The following ANKRD36 variants were observed in gnomAD, a reference collection of about 807,000 sequenced individuals.
The protein encoded by ANKRD36 is ankyrin repeat domain 36.
A neutral mutation model predicts 278.1 loss-of-function variants in ANKRD36; 179 were observed. That is an observed-to-expected ratio of 0.64 (90% CI 0.57 to 0.73). ANKRD36 has a LOEUF of 0.73. ANKRD36 is among the 30% of genes least tolerant of loss of function. The probability of loss-of-function intolerance (pLI) is 0.00; values close to 1 mark genes in which losing one functional copy is unlikely to be tolerated. For synonymous variants in ANKRD36, 320 were observed against 641.1 expected (o/e 0.50, Z 7.57); for missense variants, 1,159 against 1,956.7 (o/e 0.59, Z 7.69).
chr2:97,130,862 A>T (rs1170155729), intron 6 of ANKRD36, among the ~76,000 whole-genome samples: 3 of 152,096 alleles, frequency 2.0e-5, no homozygotes, highest in Non-Finnish European at 4.4e-5. Context: ...TTCTTTTAAG[A>T]GAATTAGCTA....
intron 18 of ANKRD36, among the ~76,000 whole-genome samples, chr2:97,162,886 C>G (rs2049361158): frequency 6.6e-6 from 1 of 151,152 alleles, no homozygotes; most frequent in Admixed American, 6.6e-5. Flanking sequence ...GCATATCAAA[C>G]TGACTTTAGA....
rs2057586610 is a variant in ANKRD36, at chr2:97,187,199, G to A, written c.2043G>A (p.Val681=). Residue 681 remains valine, a splice_region_variant and synonymous_variant, in exon 31 of 76, where the codon GTG becomes GTA. Coordinates refer to ENST00000420699, the MANE Select transcript of ANKRD36 (RefSeq NM_001354587.1). ...EIKDGLQCGT[V]SSQKQPALKA... is the part of the protein sequence containing the mutation. Reference sequence around the variant, plus strand: ...TTATGTATCCCTTTTGCTTTTCAGTGTCTTCTCAGAAACAACCAGCCTTGA... The same window carrying A: ...TTATGTATCCCTTTTGCTTTTCAGTATCTTCTCAGAAACAACCAGCCTTGA... 3 of 1,609,454 alleles carry A rather than the reference G, an allele frequency of 1.9e-6. No individual in the cohort carries two copies. Among genetic ancestry groups the A allele is most frequent in the Admixed American group, 1.7e-5 (1 of 59,694 alleles).
At chr2:97,156,562 A>G (rs2047497122) in intron 15 of ANKRD36, among the ~76,000 whole-genome samples, 1 of 135,798 alleles carries the variant, frequency 7.4e-6, no homozygotes, top group East Asian at 2.1e-4. Flanking sequence ...ATCATTTTTT[A>G]TGGCTGCATA....
At chr2:97,211,968 C>G (rs578251146) in intron 58 of ANKRD36, among the ~76,000 whole-genome samples, 58 of 151,946 alleles carry the variant, frequency 3.8e-4, no homozygotes, top group African/African-American at 1.4e-3. Context: ...GAAAAAGAAC[C>G]ATCTGACAGC....
At chr2:97,237,887 T>A (rs1195776081) in intron 68 of ANKRD36, among the ~76,000 whole-genome samples, 1 of 151,324 alleles carries the variant, frequency 6.6e-6, no homozygotes, top group African/African-American at 2.4e-5. Flanking sequence ...TATGTATAAT[T>A]GTATTAATTT....
At chr2:97,125,071 C>A (rs1326948270) in intron 5 of ANKRD36, among the ~76,000 whole-genome samples, 4 of 151,522 alleles carry the variant, frequency 2.6e-5, no homozygotes, top group Non-Finnish European at 5.9e-5. Context: ...GGAAGACAAT[C>A]AGTGTCTACA....
rs1419791121 is a variant in ANKRD36 at position 97,211,739 on chromosome 2, C to T, written c.3467C>T (p.Thr1156Ile). ...TEKKDEQISG[T>I]VSCQKQPALK... is the part of the protein sequence containing the mutation. ...AAAAAGGATGAACAAATATCTGGGA[C>T]AGGTAATTTTGCAAACACATTTAAT... Residue 1156 changes from threonine to isoleucine, a missense_variant and splice_region_variant, in exon 58 of 76, where the codon ACA becomes ATA. By Grantham distance (89) the Thr-to-Ile change is moderately conservative (BLOSUM62 -1). Transcript: ENST00000420699. 1.9e-6 allele frequency: 3 copies of T among 1,579,498 alleles called. No homozygotes were observed. The highest frequency in any genetic ancestry group is 2.6e-6 in the Non-Finnish European group (3 of 1,163,756).
intron 40 of ANKRD36, among the ~76,000 whole-genome samples, chr2:97,195,832 CTT>C (rs1558665174): frequency 1.3e-5 from 2 of 151,882 alleles, no homozygotes; most frequent in African/African-American, 4.8e-5. Flanking sequence ...GAATGTAAAA[CTT>C]ATTATTATCT....
intron 67 of ANKRD36, among the ~76,000 whole-genome samples, chr2:97,229,752 G>C (rs1469195834): frequency 6.6e-6 from 1 of 151,930 alleles, no homozygotes; most frequent in Admixed American, 6.6e-5. Context: ...TTATATTTTG[G>C]CATGATTTTG....
chr2:97,118,202 G>T (rs1274337632), intron 2 of ANKRD36, 24 bp downstream of exon 2: 4 of 1,580,508 alleles, frequency 2.5e-6, no homozygotes, highest in Non-Finnish European at 3.4e-6. Flanking sequence ...GACTCTTTGA[G>T]CATGAGATGG....
intron 17 of ANKRD36, among the ~76,000 whole-genome samples, chr2:97,158,972 A>C (rs2048196124): frequency 6.6e-6 from 1 of 152,056 alleles, no homozygotes; most frequent in Non-Finnish European, 1.5e-5. Flanking sequence ...GGAAGGAAAG[A>C]AGTAGAAAGC....
At chr2:97,161,392 C>A (rs1169361427) in intron 17 of ANKRD36, among the ~76,000 whole-genome samples, 1 of 151,966 alleles carries the variant, frequency 6.6e-6, no homozygotes, top group Non-Finnish European at 1.5e-5. Context: ...CTTTAAAATA[C>A]CTTTAAAATA....
chr2:97,183,391 T>A, intron 26 of ANKRD36, 68 bp from the exon 27 acceptor site: 2 of 1,477,346 alleles, frequency 1.4e-6, no homozygotes, highest in Non-Finnish European at 1.8e-6. Context: ...ATGCTAACAC[T>A]GCATGAATGT....
intron 30 of ANKRD36, among the ~76,000 whole-genome samples, chr2:97,186,282 T>C (rs2153556277): frequency 6.6e-6 from 1 of 151,468 alleles, no homozygotes. Flanking sequence ...ATCTCACGGA[T>C]AAAATAGCTA....
In ANKRD36 at chr2:97,113,640, C is replaced by T; in HGVS notation, c.-100C>T. ...AGGCGCTGAGAGTCTGTGCGGAGGT[C>T]CGTGGACAGACTGCTTTGCTCGTTG... On this transcript the variant is annotated 5_prime_UTR_variant, in exon 1 of 76. Transcript: ENST00000420699. 6.6e-7 allele frequency: 1 copy of T among 1,507,464 alleles called. No homozygotes were observed. The highest frequency in any genetic ancestry group is 9.1e-7 in the Non-Finnish European group (1 of 1,098,514). 93.4% of individuals were successfully genotyped at this position (1,507,464 alleles called of 1,614,324 possible).
At chr2:97,203,710 T>A (rs2062020105) in intron 48 of ANKRD36, among the ~76,000 whole-genome samples, 1 of 151,818 alleles carries the variant, frequency 6.6e-6, no homozygotes, top group Non-Finnish European at 1.5e-5. Flanking sequence ...ACATGTGGGA[T>A]CATGTAGCAC....
intron 6 of ANKRD36, among the ~76,000 whole-genome samples, chr2:97,127,801 G>T (rs559777370): frequency 6.6e-6 from 1 of 151,810 alleles, no homozygotes; most frequent in South Asian, 2.1e-4. Flanking sequence ...TTTCTTGCCC[G>T]CATGCCTTCT....
At position 97,211,709 on chromosome 2, in the gene ANKRD36, C is replaced by T. The variant is rs375718563; in HGVS notation, c.3437C>T (p.Thr1146Met). 50 of 1,590,142 alleles carry T rather than the reference C, an allele frequency of 3.1e-5. No homozygotes were observed. Among genetic ancestry groups the T allele is most frequent in the African/African-American group, 5.4e-5 (4 of 74,146 alleles). Residue 1146 changes from threonine (T) to methionine (M), a missense_variant, in exon 58 of 76, where the codon ACG becomes ATG. Thr to Met is a moderately conservative substitution (Grantham distance 81). Transcript: ENST00000420699. ...GAAGATTCTGTTCCGAATATGGCCA[C>T]GGAAAAAAAGGATGAACAAATATCT... ...DKEDSVPNMA[T>M]EKKDEQISGT...
intron 52 of ANKRD36, among the ~76,000 whole-genome samples, chr2:97,206,758 A>T (rs894071487): frequency 1.3e-5 from 2 of 151,526 alleles, no homozygotes; most frequent in African/African-American, 4.8e-5. Context: ...CAATCCTAGA[A>T]TTGGCATAAA....
Sources: allele counts gnomAD v4.1 joint callset (sites outside exome capture counted in the v4.1 genomes callset), GRCh38; gene constraint gnomAD v4.1.1; transcripts MANE v1.5; gene names NCBI Gene and HGNC (gene_info 2026-07-23, HGNC 2026-07-21).